WWOX: variants seen among roughly 807,000 people sequenced by gnomAD.
The protein encoded by WWOX is WW domain-containing oxidoreductase.
WWOX carries 69 observed loss-of-function variants against 46.2 expected under a neutral mutation model. The observed-to-expected ratio is 1.49, with a 90% CI of 1.23 to 1.82. WWOX has a LOEUF of 1.82. Among genes scored for constraint, WWOX ranks in the 40% most tolerant of loss-of-function variants. WWOX has a pLI of 0.00. For missense variants in WWOX, 919 were observed against 542.6 expected, an observed-to-expected ratio of 1.69 and a Z score of -6.89; for synonymous variants, 359 against 202.6, an observed-to-expected ratio of 1.77 and a Z score of -6.56.
chr16:79,105,482 A>G (rs74034973), intron 8 of WWOX, among the ~76,000 whole-genome samples: 4,051 of 152,192 alleles, frequency 0.027, 201 homozygotes, highest in African/African-American at 0.093. Context: ...ATCCACATTT[A>G]TATCTATACC....
At chr16:78,650,838 G>A (rs1229670747) in intron 8 of WWOX, among the ~76,000 whole-genome samples, 2 of 152,280 alleles carry the variant, frequency 1.3e-5, no homozygotes, top group South Asian at 2.1e-4. Flanking sequence ...AGCCAGCCAC[G>A]CTGATGTAGA....
At chr16:78,704,108 G>T (rs561766277) in intron 8 of WWOX, among the ~76,000 whole-genome samples, 75 of 151,092 alleles carry the variant, frequency 5.0e-4, no homozygotes, top group Non-Finnish European at 9.3e-4. Flanking sequence ...CACCCAGCAC[G>T]TCATGGTGGA....
At position 78,276,864 on chromosome 16, in the gene WWOX, G is replaced by A. The variant is rs186760003; in HGVS notation, c.517-109996G>A. 7.2e-5 allele frequency among the ~76,000 whole-genome samples: 11 copies of A among 152,192 alleles called. No individual in the cohort carries two copies. In the East Asian group the frequency reaches 1.7e-3, roughly 24 times the overall value. ...TGTCCCCATTTTTCTTTGCATCTCCGAACTCTCATTAATTTTTCACAGGCT... is the reference window on the plus strand; with the variant it reads ...TGTCCCCATTTTTCTTTGCATCTCCAAACTCTCATTAATTTTTCACAGGCT... On this transcript the variant is annotated intron_variant, in intron 5 of 8. Coordinates refer to ENST00000566780, the MANE Select transcript of WWOX (RefSeq NM_016373.4).
intron 4 of WWOX, among the ~76,000 whole-genome samples, chr16:78,117,347 C>T (rs143121377): frequency 9.2e-5 from 14 of 152,124 alleles, no homozygotes; most frequent in Admixed American, 5.2e-4. Flanking sequence ...TGTCACCTTC[C>T]GCAGGAATGG....
At chr16:78,682,066 C>T (rs753529071) in intron 8 of WWOX, among the ~76,000 whole-genome samples, 1 of 152,164 alleles carries the variant, frequency 6.6e-6, no homozygotes, top group Non-Finnish European at 1.5e-5. Context: ...ACTGTGACGA[C>T]TGAGAAAATG....
rs150335012 is a variant in WWOX, at chr16:78,987,819, A to C, written c.1057-223789A>C. The stretch of plus-strand genomic sequence containing the variant: ...AAAAATGTGCTCTCCAAAAATTTCC[A>C]GCAGGACTTTCCCACCTTGCTGTTT... On this transcript the variant is annotated intron_variant, in intron 8 of 8. Coordinates refer to ENST00000566780, the MANE Select transcript of WWOX (RefSeq NM_016373.4). 1.1e-3 allele frequency among the ~76,000 whole-genome samples: 161 copies of C among 152,308 alleles called. 3 individuals are homozygous for C. The highest frequency in any genetic ancestry group is 3.8e-3 in the African/African-American group (159 of 41,560).
intron 8 of WWOX, among the ~76,000 whole-genome samples, chr16:79,054,174 G>C (rs369408536): frequency 2.6e-4 from 40 of 152,312 alleles, no homozygotes; most frequent in South Asian, 1.7e-3. Context: ...TGAGCTGCAT[G>C]TACCAATATA....
At chr16:78,329,537 T>G (rs2080709102) in intron 5 of WWOX, among the ~76,000 whole-genome samples, 1 of 152,210 alleles carries the variant, frequency 6.6e-6, no homozygotes, top group Non-Finnish European at 1.5e-5. Flanking sequence ...GACTGTGGCC[T>G]ATGAGGCCAA....
chr16:79,026,465 C>T (rs2047644030), intron 8 of WWOX, among the ~76,000 whole-genome samples: 1 of 151,666 alleles, frequency 6.6e-6, no homozygotes, highest in African/African-American at 2.4e-5. Flanking sequence ...CTCACATCAG[C>T]TTGCAGTTCT....
intron 8 of WWOX, among the ~76,000 whole-genome samples, chr16:78,555,754 G>A (rs1359803694): frequency 6.6e-6 from 1 of 152,020 alleles, no homozygotes; most frequent in African/African-American, 2.4e-5. Context: ...GATTTCACAA[G>A]GAGTGCAAAA....
rs534819438 is a variant in WWOX at position 78,154,303 on chromosome 16, G to A, written c.410-9880G>A. Reference sequence around the variant, plus strand: ...TTGAGCGAGTCCATTGTGACCACTGGAGGTACTGTAAATGGATAAAATAAT... The same window carrying A: ...TTGAGCGAGTCCATTGTGACCACTGAAGGTACTGTAAATGGATAAAATAAT... On this transcript the variant is annotated intron_variant, in intron 4 of 8. Transcript: ENST00000566780. Among the ~76,000 whole-genome samples, 13 of 152,220 alleles carry A rather than the reference G, an allele frequency of 8.5e-5. No homozygotes were observed. The South Asian group carries it at 2.7e-3, about 32-fold the overall frequency.
chr16:78,387,003 T>G, intron 6 of WWOX, 55 bp downstream of exon 6: 1 of 1,536,138 alleles, frequency 6.5e-7, no homozygotes, highest in Non-Finnish European at 9.0e-7. Context: ...TGTAATATCT[T>G]TATCAGATGA....
At chr16:78,813,010 T>G (rs904326080) in intron 8 of WWOX, among the ~76,000 whole-genome samples, 1 of 151,952 alleles carries the variant, frequency 6.6e-6, no homozygotes, top group African/African-American at 2.4e-5. Context: ...GGAATCTACC[T>G]TAATAGGTAA....
rs983074242 is a variant in WWOX, at chr16:79,006,122, G to A, written c.1057-205486G>A. Among the ~76,000 whole-genome samples, 6 of 152,240 alleles carry A rather than the reference G, an allele frequency of 3.9e-5. No individual in the cohort carries two copies. In the East Asian group the frequency reaches 5.8e-4, roughly 15 times the overall value. On this transcript the variant is annotated intron_variant, in intron 8 of 8. Coordinates refer to ENST00000566780, the MANE Select transcript of WWOX (RefSeq NM_016373.4). ...CTGGTCCAGTGGGGTGAGGGTGGCA[G>A]TGGCTGGCAACAAAGACAATGAGCG...
chr16:78,565,206 G>C (rs944699670), intron 8 of WWOX, among the ~76,000 whole-genome samples: 3 of 152,200 alleles, frequency 2.0e-5, no homozygotes, highest in Non-Finnish European at 4.4e-5. Context: ...TCCTCTTGCT[G>C]ATAGCTGATT....
chr16:78,854,164 A>G (rs974209907), intron 8 of WWOX, among the ~76,000 whole-genome samples: 40 of 152,162 alleles, frequency 2.6e-4, no homozygotes, highest in African/African-American at 9.2e-4. Flanking sequence ...TTTTTTCTCA[A>G]TTAAAATAAT....
chr16:78,438,126 C>T (rs1007433375), intron 8 of WWOX, among the ~76,000 whole-genome samples: 4 of 152,118 alleles, frequency 2.6e-5, no homozygotes, highest in Admixed American at 2.6e-4. Flanking sequence ...GCAGATTGAC[C>T]ATTTTCCCAG....
At chr16:78,279,345 A>T (rs1450236803) in intron 5 of WWOX, among the ~76,000 whole-genome samples, 1 of 152,178 alleles carries the variant, frequency 6.6e-6, no homozygotes, top group Non-Finnish European at 1.5e-5. Flanking sequence ...ATAAAATATG[A>T]GTCTAATCAC....
At chr16:79,183,931 A>T (rs888438671) in intron 8 of WWOX, among the ~76,000 whole-genome samples, 3 of 152,042 alleles carry the variant, frequency 2.0e-5, no homozygotes, top group African/African-American at 7.3e-5. Context: ...CACTCAGATG[A>T]CTCCAGAAGA....
Sources: allele counts gnomAD v4.1 joint callset (sites outside exome capture counted in the v4.1 genomes callset), GRCh38; gene constraint gnomAD v4.1.1; transcripts MANE v1.5; gene names NCBI Gene and HGNC (gene_info 2026-07-23, HGNC 2026-07-21).